Variants in FOXO4 observed in about 807,000 individuals in gnomAD.
FOXO4 encodes the protein forkhead box O4.
FOXO4 carries 3 observed loss-of-function variants against 20.8 expected under a neutral mutation model. That is an observed-to-expected ratio of 0.14 (90% CI 0.07 to 0.37). FOXO4 has a LOEUF of 0.37. Among genes scored for constraint, FOXO4 ranks in the 10% least tolerant of loss-of-function variants. FOXO4 has a pLI of 1.00. For missense variants in FOXO4, 309 were observed against 431.9 expected (o/e 0.72, Z 2.52); for synonymous variants, 158 against 180.0 (o/e 0.88, Z 0.98).
chrX:71,099,003 C>T (rs1161191018), intron 1 of FOXO4, among the ~76,000 whole-genome samples: 1 of 111,553 alleles, frequency 9.0e-6, no homozygotes, highest in Non-Finnish European at 1.9e-5. Flanking sequence ...CAAGTAGTTT[C>T]TGACCGTCCC....
Position 71,096,210 on chromosome X carries a change from G to T in FOXO4, c.-319G>T. Reference sequence around the variant, plus strand: ...GTGATGGGAGCGCAATATATGAGGGGATACAGTGCCTCAGGTTTAAAAGAG... The same window carrying T: ...GTGATGGGAGCGCAATATATGAGGGTATACAGTGCCTCAGGTTTAAAAGAG... On this transcript the variant is annotated 5_prime_UTR_variant, in exon 1 of 3. Coordinates refer to ENST00000374259, the MANE Select transcript of FOXO4 (RefSeq NM_005938.4). 1 of 336,724 alleles carries T rather than the reference G, an allele frequency of 3.0e-6. No individual in the cohort carries two copies. Among genetic ancestry groups the T allele is most frequent in the South Asian group, 4.8e-5 (1 of 21,044 alleles). 27.7% of individuals were successfully genotyped at this position (336,724 alleles called of 1,213,427 possible).
Position 71,096,337 on chromosome X carries a change from A to G in FOXO4, c.-192A>G, listed in dbSNP as rs371456139. On this transcript the variant is annotated 5_prime_UTR_variant, in exon 1 of 3. Transcript: ENST00000374259. ...TTGAGGCTACAGGCTGTAGTCGGGA[A>G]GGGGATCGGAGAACTGTGTGAAGGG... is the stretch of plus-strand genomic sequence containing the variant. The G allele has an allele frequency of 4.3e-4, 191 of 446,854 alleles. 1 individual carries two copies. In the South Asian group the frequency reaches 6.1e-3, roughly 14 times the overall value. 36.8% of individuals were successfully genotyped at this position (446,854 alleles called of 1,213,427 possible).
At chrX:71,099,238 C>T (rs1016474065) in intron 1 of FOXO4, 3 of 111,615 alleles carry the variant, frequency 2.7e-5, no homozygotes, top group African/African-American at 9.8e-5. Flanking sequence ...ACTAGCCTGC[C>T]CCGCGGCAAT....
In FOXO4 at chrX:71,103,200, T is replaced by C. The variant is rs1412840965; in HGVS notation, c.*1116T>C. On this transcript the variant is annotated 3_prime_UTR_variant, in exon 3 of 3. Coordinates refer to ENST00000374259, the MANE Select transcript of FOXO4 (RefSeq NM_005938.4). The stretch of plus-strand genomic sequence containing the variant: ...ACTGCAGGGGTTATGTGGAAGTGTG[T>C]GTGGCAGCAGGCAGCGGGGAGGGGA... 3 of 172,126 alleles carry C rather than the reference T, an allele frequency of 1.7e-5. No individual in the cohort carries two copies. The highest frequency in any genetic ancestry group is 3.3e-5 in the Non-Finnish European group (3 of 89,776). 14.2% of individuals were successfully genotyped at this position (172,126 alleles called of 1,213,427 possible). A position where few individuals can be genotyped will look rare whatever the true frequency, so the allele number is the denominator to read the frequency against.
chrX:71,100,442 C>T (rs112463921), intron 1 of FOXO4, among the ~76,000 whole-genome samples: 74 of 107,847 alleles, frequency 6.9e-4, no homozygotes, highest in African/African-American at 2.3e-3. Context: ...AGGAATACCC[C>T]TGCTGTGTTC....
chrX:71,101,600 C>A lies in FOXO4; in HGVS notation c.1370C>A (p.Pro457His). ...KALGTPVLTP[P>H]TEAASQDRMP... Reference sequence around the variant, plus strand: ...CTGGGGACTCCTGTGCTCACACCCCCTACTGAAGCTGCAAGCCAAGACAGA... The same window carrying A: ...CTGGGGACTCCTGTGCTCACACCCCATACTGAAGCTGCAAGCCAAGACAGA... Residue 457 changes from proline (P) to histidine (H), a missense_variant, in exon 2 of 3, where the codon CCT (proline) becomes CAT (histidine). By Grantham distance (77) the Pro-to-His change is moderately conservative. Coordinates refer to ENST00000374259, the MANE Select transcript of FOXO4 (RefSeq NM_005938.4). 1 of 1,211,882 alleles carries A rather than the reference C, an allele frequency of 8.3e-7. No individual in the cohort carries two copies. The highest frequency in any genetic ancestry group is 1.1e-6 in the Non-Finnish European group (1 of 895,375).
intron 1 of FOXO4, among the ~76,000 whole-genome samples, chrX:71,097,461 A>G (rs1392148036): frequency 9.2e-6 from 1 of 108,497 alleles, no homozygotes; most frequent in East Asian, 2.9e-4. Flanking sequence ...GTACTGTTCT[A>G]GCACTGCTCT....
chrX:71,100,732 CACA>C lies in FOXO4; in HGVS notation c.505_507del (p.Asn169del). 2 of 1,207,033 alleles carry C rather than the reference CACA, an allele frequency of 1.7e-6. No individual in the cohort carries two copies. The highest frequency in any genetic ancestry group is 2.2e-6 in the Non-Finnish European group (2 of 892,827). On this transcript the variant is annotated inframe_deletion, in exon 2 of 3. Transcript: ENST00000374259. Reference sequence around the variant, plus strand: ...CCTGCACAGCAAGTTCATCAAGGTTCACAACGAGGCCACCGGCAAAAGCTCTTG... The same window carrying C: ...CCTGCACAGCAAGTTCATCAAGGTTCACGAGGCCACCGGCAAAAGCTCTTG...
Position 71,101,351 on chromosome X carries a change from C to T in FOXO4, c.1121C>T (p.Thr374Met), listed in dbSNP as rs201386088. Residue 374 changes from threonine to methionine, a missense_variant, in exon 2 of 3, where the codon ACG becomes ATG. Around this residue, in one of 3 missense-constraint regions of FOXO4, gnomAD observed 223 missense variants for 302.7 expected, o/e 0.74. Transcript: ENST00000374259. The stretch of plus-strand genomic sequence containing the variant: ...CTGGAGGCCCTGCTCACCTCTGATA[C>T]GCCACCACCCCCTGCTGACGTCCTC... The part of the protein sequence containing the change: ...QALEALLTSD[T>M]PPPPADVLMT... The T allele has an allele frequency of 5.1e-5, 62 of 1,209,404 alleles. No homozygotes were observed. Among genetic ancestry groups the T allele is most frequent in the South Asian group, 3.5e-4 (20 of 56,736 alleles).
chrX:71,099,893 G>T (rs1207601379), intron 1 of FOXO4, among the ~76,000 whole-genome samples: 1 of 111,547 alleles, frequency 9.0e-6, no homozygotes, highest in African/African-American at 3.3e-5. Context: ...GATTCAGGGA[G>T]GGGGGAAAAA....
At chrX:71,099,854 G>A (rs1442291639) in intron 1 of FOXO4, among the ~76,000 whole-genome samples, 1 of 111,527 alleles carries the variant, frequency 9.0e-6, no homozygotes, top group Non-Finnish European at 1.9e-5. Flanking sequence ...TTGAGGATGT[G>A]TGTTGTGGAT....
At chrX:71,101,853 C>A in intron 2 of FOXO4, 113 bp downstream of exon 2, 1 of 742,758 alleles carries the variant, frequency 1.3e-6, no homozygotes, top group Non-Finnish European at 2.1e-6. Context: ...GTAGCCAGAG[C>A]TCCTGGGGAA....
intron 1 of FOXO4, among the ~76,000 whole-genome samples, chrX:71,098,785 C>T (rs193110113): frequency 1.0e-3 from 115 of 111,359 alleles, no homozygotes; most frequent in African/African-American, 3.6e-3. Context: ...ATCATAGTGC[C>T]AGGTCATGGT....
rs1363944030 is a variant in FOXO4 at position 71,101,712 on chromosome X, C to T, written c.1482C>T (p.Gly494=). 17 of 1,209,489 alleles carry T rather than the reference C, an allele frequency of 1.4e-5. No homozygotes were observed. Among genetic ancestry groups the T allele is most frequent in the Admixed American group, 2.2e-5 (1 of 45,980 alleles). The part of the protein sequence containing the change: ...DNIISDLMDE[G]EGLDFNFEPD... ...TCATCAGTGACCTCATGGATGAGGG[C>T]GAGGGACTGGACTTCAACTTTGAGC... The change falls in exon 2 of 3, where the codon GGC becomes GGT. Residue 494 remains glycine (G), a synonymous_variant. Coordinates refer to ENST00000374259, the MANE Select transcript of FOXO4 (RefSeq NM_005938.4).
chrX:71,096,501 G>C lies in FOXO4; in HGVS notation c.-28G>C, dbSNP rs950559395. ...GGGACTGTGGCAGGCTTCACTGAACGCTGAGCCGGGGAGGTCCAACTCCAC... is the reference window on the plus strand; with the variant it reads ...GGGACTGTGGCAGGCTTCACTGAACCCTGAGCCGGGGAGGTCCAACTCCAC... On this transcript the variant is annotated 5_prime_UTR_variant, in exon 1 of 3. Transcript: ENST00000374259. 13 of 1,169,354 alleles carry C rather than the reference G, an allele frequency of 1.1e-5. No individual in the cohort carries two copies. The highest frequency in any genetic ancestry group is 1.5e-5 in the Non-Finnish European group (13 of 866,535).
chrX:71,097,266 C>G (rs1352606336), intron 1 of FOXO4, among the ~76,000 whole-genome samples: 2 of 111,826 alleles, frequency 1.8e-5, no homozygotes, highest in African/African-American at 3.3e-5. Context: ...AGCACTTTGG[C>G]TTGGGCTGCC....
chrX:71,101,837 C>A, intron 2 of FOXO4, 97 bp downstream of exon 2: 1 of 792,558 alleles, frequency 1.3e-6, no homozygotes, highest in Non-Finnish European at 1.9e-6. Context: ...AGATTTAGGA[C>A]AAGTGGTAGC....
chrX:71,101,986 C>A, intron 2 of FOXO4, 91 bp from the exon 3 acceptor site: 1 of 1,057,226 alleles, frequency 9.5e-7, no homozygotes, highest in Non-Finnish European at 1.3e-6. Flanking sequence ...GGTTAGGTGC[C>A]ACCATCTTCT....
rs1168855911 is a variant in FOXO4 at position 71,102,321 on chromosome X, G to C, written c.*237G>C. 3 of 427,283 alleles carry C rather than the reference G, an allele frequency of 7.0e-6. 1 individual carries two copies. Among genetic ancestry groups the C allele is most frequent in the Non-Finnish European group, 1.2e-5 (3 of 245,866 alleles). The allele number at this position is 427,283 out of a possible 1,213,427, so 35.2% of individuals were successfully genotyped here. A position where few individuals can be genotyped will look rare whatever the true frequency, so the allele number is the denominator to read the frequency against. On this transcript the variant is annotated 3_prime_UTR_variant, in exon 3 of 3. Transcript: ENST00000374259. ...GGGTTTTTCTCACTGTGCCAATTAG[G>C]GGGTAAGGCCCCCTCTCAGGAGCCA...
Sources: allele counts gnomAD v4.1 joint callset (sites outside exome capture counted in the v4.1 genomes callset), GRCh38; gene constraint gnomAD v4.1.1; regional missense constraint gnomAD v4.1.1; transcripts MANE v1.5; gene names NCBI Gene and HGNC (gene_info 2026-07-23, HGNC 2026-07-21).